KCNIP4: variants seen among roughly 807,000 people sequenced by gnomAD.
The protein encoded by KCNIP4 is Kv channel-interacting protein 4.
In KCNIP4, 12 loss-of-function variants were observed where a neutral mutation model predicts 34.0. The observed-to-expected ratio is 0.35, with a 90% CI of 0.23 to 0.57. The LOEUF (loss-of-function observed/expected upper bound fraction) is 0.57, where lower values mean the gene tolerates loss of function less well. KCNIP4 is among the 20% of genes least tolerant of loss of function. The probability of loss-of-function intolerance (pLI) is 0.83; values close to 1 mark genes in which losing one functional copy is unlikely to be tolerated. For missense variants in KCNIP4, 238 were observed against 311.7 expected, an observed-to-expected ratio of 0.76 and a Z score of 1.78; for synonymous variants, 124 against 102.2, an observed-to-expected ratio of 1.21 and a Z score of -1.29.
chr4:20,840,520 G>T (rs6447988), intron 3 of KCNIP4, among the ~76,000 whole-genome samples: 58,972 of 151,692 alleles, frequency 0.39, 11,932 homozygotes, highest in Non-Finnish European at 0.46. Flanking sequence ...ATGTCTGTTA[G>T]TCCAAAATAG....
chr4:21,391,567 CAG>C (rs1722561541), intron 1 of KCNIP4, among the ~76,000 whole-genome samples: 1 of 152,098 alleles, frequency 6.6e-6, no homozygotes, highest in African/African-American at 2.4e-5. Flanking sequence ...TCACACTCCT[CAG>C]CATGCCACTG....
chr4:21,279,095 G>A (rs1256006787), intron 1 of KCNIP4, among the ~76,000 whole-genome samples: 1 of 152,196 alleles, frequency 6.6e-6, no homozygotes, highest in East Asian at 1.9e-4. Context: ...AGTAAGAACA[G>A]ATGTATTATG....
chr4:21,783,386 A>C (rs1719694548), intron 1 of KCNIP4, among the ~76,000 whole-genome samples: 1 of 152,178 alleles, frequency 6.6e-6, no homozygotes, highest in Non-Finnish European at 1.5e-5. Context: ...GAATAAAGAT[A>C]AACTCAAAAA....
At chr4:21,672,355 T>C (rs1184888013) in intron 1 of KCNIP4, among the ~76,000 whole-genome samples, 2 of 143,404 alleles carry the variant, frequency 1.4e-5, no homozygotes, top group Non-Finnish European at 2.9e-5. Flanking sequence ...GAAAATTTCC[T>C]GACTTCTGTC....
intron 1 of KCNIP4, among the ~76,000 whole-genome samples, chr4:21,721,067 G>A (rs1027533440): frequency 2.0e-5 from 3 of 152,130 alleles, no homozygotes; most frequent in African/African-American, 7.2e-5. Flanking sequence ...GGTATTTCTA[G>A]TTCTAGATTC....
At chr4:21,287,749 A>G (rs1178609777) in intron 1 of KCNIP4, among the ~76,000 whole-genome samples, 1 of 152,136 alleles carries the variant, frequency 6.6e-6, no homozygotes, top group African/African-American at 2.4e-5. Context: ...AAACCTACAT[A>G]AAGACTAATT....
chr4:21,093,494 C>T (rs1577678365), intron 1 of KCNIP4, among the ~76,000 whole-genome samples: 1 of 152,106 alleles, frequency 6.6e-6, no homozygotes, highest in Non-Finnish European at 1.5e-5. Context: ...AGAAACAAGA[C>T]ATCAGTGTAT....
intron 1 of KCNIP4, among the ~76,000 whole-genome samples, chr4:21,905,517 C>G (rs1210375565): frequency 1.3e-5 from 2 of 152,062 alleles, no homozygotes; most frequent in African/African-American, 2.4e-5. Context: ...CCATGGAATA[C>G]TATGCAGCCA....
chr4:21,484,955 T>G (rs892595419), intron 1 of KCNIP4, among the ~76,000 whole-genome samples: 1 of 152,224 alleles, frequency 6.6e-6, no homozygotes, highest in African/African-American at 2.4e-5. Flanking sequence ...GAATAATTTT[T>G]CGTTGAATAA....
Position 21,195,207 on chromosome 4 carries a change from C to T in KCNIP4, c.62-312498G>A, listed in dbSNP as rs929955641. Among the ~76,000 whole-genome samples the T allele has an allele frequency of 2.0e-5, 3 of 152,310 alleles. No individual in the cohort carries two copies. The Middle Eastern group carries it at 0.01, about 518-fold the overall frequency. Reference sequence around the variant, plus strand: ...GTCACTTCAGGAGCTGTGGGCATCACCCAGGAGGCCAGGGCAGCAATGCAG... The same window carrying T: ...GTCACTTCAGGAGCTGTGGGCATCATCCAGGAGGCCAGGGCAGCAATGCAG... On this transcript the variant is annotated intron_variant, in intron 1 of 8. Transcript: ENST00000382152.
chr4:21,072,788 G>A (rs112065944), intron 1 of KCNIP4, among the ~76,000 whole-genome samples: 7 of 152,004 alleles, frequency 4.6e-5, no homozygotes, highest in African/African-American at 1.7e-4. Context: ...GGTCTAACAT[G>A]TAAGTCTTTA....
intron 1 of KCNIP4, among the ~76,000 whole-genome samples, chr4:21,154,781 A>G (rs1380972079): frequency 1.3e-5 from 2 of 152,172 alleles, no homozygotes; most frequent in African/African-American, 4.8e-5. Context: ...TTCAGCTGAG[A>G]GTCATGCCCT....
intron 1 of KCNIP4, among the ~76,000 whole-genome samples, chr4:21,118,518 C>CCGTGT (rs1354810484): frequency 6.6e-6 from 1 of 152,212 alleles, no homozygotes; most frequent in African/African-American, 2.4e-5. Context: ...TTTCCCATTC[C>CCGTGT]CGTGTCTGCC....
intron 1 of KCNIP4, among the ~76,000 whole-genome samples, chr4:21,680,758 A>C (rs1750283611): frequency 6.6e-6 from 1 of 152,216 alleles, no homozygotes; most frequent in African/African-American, 2.4e-5. Flanking sequence ...ACATTTTGAA[A>C]GTAATCATTT....
At chr4:21,694,428 T>C (rs1184491000) in intron 1 of KCNIP4, among the ~76,000 whole-genome samples, 1 of 152,150 alleles carries the variant, frequency 6.6e-6, no homozygotes, top group Non-Finnish European at 1.5e-5. Flanking sequence ...ACATAACAAA[T>C]AAACTTTTAA....
intron 3 of KCNIP4, among the ~76,000 whole-genome samples, chr4:20,799,219 G>A (rs1012489544): frequency 2.6e-5 from 4 of 152,170 alleles, no homozygotes; most frequent in African/African-American, 7.2e-5. Flanking sequence ...GTGATGGTCT[G>A]CCAGCAGGGG....
At chr4:21,167,074 CAAAATA>C (rs1753686606) in intron 1 of KCNIP4, among the ~76,000 whole-genome samples, 1 of 150,512 alleles carries the variant, frequency 6.6e-6, no homozygotes, top group Admixed American at 6.6e-5. Flanking sequence ...CAAAACATCT[CAAAATA>C]ATTATATATA....
intron 1 of KCNIP4, among the ~76,000 whole-genome samples, chr4:21,139,914 T>C (rs566842794): frequency 8.5e-5 from 13 of 152,236 alleles, no homozygotes; most frequent in African/African-American, 2.6e-4. Context: ...CCACGTTTAA[T>C]GATCAGTCTT....
intron 1 of KCNIP4, among the ~76,000 whole-genome samples, chr4:21,107,291 G>A (rs1160608874): frequency 2.6e-4 from 36 of 141,138 alleles, no homozygotes; most frequent in African/African-American, 1.0e-3. Context: ...CCTGTATTGG[G>A]TGCCTCTATA....
Sources: gnomAD v4.1 joint callset for allele counts (sites outside exome capture counted in the v4.1 genomes callset) on GRCh38, gnomAD v4.1.1 for gene constraint, MANE v1.5 for transcripts, NCBI Gene and HGNC (gene_info 2026-07-23, HGNC 2026-07-21) for gene names.